Variants in ANGPT1 observed in about 807,000 individuals in gnomAD.
ANGPT1 encodes angiopoietin 1, also known as angiopoietin-1.
Under a neutral mutation model 62.2 loss-of-function variants are expected in ANGPT1, and 17 were observed. The observed-to-expected ratio is 0.27, with a 90% confidence interval of 0.19 to 0.41. ANGPT1 has a LOEUF of 0.41. Among genes scored for constraint, ANGPT1 ranks in the 10% least tolerant of loss-of-function variants. The probability of loss-of-function intolerance (pLI) is 1.00; values close to 1 mark genes in which losing one functional copy is unlikely to be tolerated. For missense variants in ANGPT1, 478 were observed against 594.9 expected (o/e 0.80, Z 2.04); for synonymous variants, 199 against 198.9 (o/e 1.00, Z 0.00).
intron 3 of ANGPT1, among the ~76,000 whole-genome samples, chr8:107,324,185 G>A (rs1434094567): frequency 4.2e-5 from 5 of 118,478 alleles, no homozygotes; most frequent in African/African-American, 1.5e-4. Flanking sequence ...ATGTGTGTGT[G>A]TGTATATATG....
chr8:107,367,544 G>T (rs2445367), intron 1 of ANGPT1, among the ~76,000 whole-genome samples: 74,740 of 151,932 alleles, frequency 0.49, 18,510 homozygotes, highest in East Asian at 0.53. Flanking sequence ...TCTAAAGCAT[G>T]CTCTCTGTCT....
At chr8:107,451,216 G>A (rs1811770709) in intron 1 of ANGPT1, among the ~76,000 whole-genome samples, 1 of 151,694 alleles carries the variant, frequency 6.6e-6, no homozygotes, top group African/African-American at 2.4e-5. Flanking sequence ...CATCAATTGA[G>A]CAGTGACTGC....
chr8:107,341,793 TCAGAATGCAAC>T (rs1815701398), intron 2 of ANGPT1, among the ~76,000 whole-genome samples: 1 of 151,776 alleles, frequency 6.6e-6, no homozygotes, highest in South Asian at 2.1e-4. Flanking sequence ...CTCAGTAGAG[TCAGAATGCAAC>T]CCAGAGAGTC....
At chr8:107,282,805 T>C (rs1350538558) in intron 7 of ANGPT1, among the ~76,000 whole-genome samples, 1 of 151,598 alleles carries the variant, frequency 6.6e-6, no homozygotes, top group Admixed American at 6.6e-5. Context: ...CACACAGATG[T>C]CAAAGAAATG....
In ANGPT1 at chr8:107,458,009, G is replaced by GA. The variant is rs1395024581; in HGVS notation, c.297+39252dup. Among the ~76,000 whole-genome samples the GA allele has an allele frequency of 2.0e-4, 30 of 151,942 alleles. No individual in the cohort carries two copies. In the South Asian group the frequency reaches 5.8e-3, roughly 29 times the overall value. ...AAAATATTATGATCATATTGAGTGT[G>GA]AAAAAAATAAAATAAAAGGCCATCT... On this transcript the variant is annotated intron_variant, in intron 1 of 8. Coordinates refer to ENST00000517746, the MANE Select transcript of ANGPT1 (RefSeq NM_001146.5).
At position 107,339,215 on chromosome 8, in the gene ANGPT1, C is replaced by T. The variant is rs571702636; in HGVS notation, c.454-2944G>A. Among the ~76,000 whole-genome samples, 65 of 152,248 alleles carry T rather than the reference C, an allele frequency of 4.3e-4. No homozygotes were observed. The South Asian group carries it at 0.013, about 31-fold the overall frequency. On this transcript the variant is annotated intron_variant, in intron 2 of 8. Transcript: ENST00000517746. Reference sequence around the variant, plus strand: ...TCAAGTCTATTTGTCACACAGCATCCAGAGGGATCTTTTTGAACACATAAA... The same window carrying T: ...TCAAGTCTATTTGTCACACAGCATCTAGAGGGATCTTTTTGAACACATAAA...
At chr8:107,414,318 T>A (rs977668253) in intron 1 of ANGPT1, among the ~76,000 whole-genome samples, 4 of 152,142 alleles carry the variant, frequency 2.6e-5, no homozygotes, top group Non-Finnish European at 4.4e-5. Context: ...TTCAAAATAG[T>A]CAAAAGAAGA....
Position 107,264,202 on chromosome 8 carries a change from A to G in ANGPT1, c.1336+19T>C. 6.2e-7 allele frequency: 1 copy of G among 1,606,758 alleles called. No individual in the cohort carries two copies. The highest frequency in any genetic ancestry group is 8.5e-7 in the Non-Finnish European group (1 of 1,176,896). On this transcript the variant is annotated intron_variant, in intron 8 of 8. Transcript: ENST00000517746. ...AAACCAATGAAACATAGCTTAGAGA[A>G]TGGCCCCATAGGACTTACCTCCTGT...
chr8:107,346,676 T>G (rs896327224), intron 2 of ANGPT1, among the ~76,000 whole-genome samples: 1 of 152,174 alleles, frequency 6.6e-6, no homozygotes, highest in Non-Finnish European at 1.5e-5. Context: ...AGTTGGTAGC[T>G]GCAGTGCTTA....
At chr8:107,281,398 G>C (rs1304296528) in intron 7 of ANGPT1, among the ~76,000 whole-genome samples, 1 of 152,108 alleles carries the variant, frequency 6.6e-6, no homozygotes, top group Non-Finnish European at 1.5e-5. Flanking sequence ...CAAAAACCTA[G>C]TATGAATTTC....
At chr8:107,483,498 T>C (rs1367607391) in intron 1 of ANGPT1, among the ~76,000 whole-genome samples, 1 of 152,106 alleles carries the variant, frequency 6.6e-6, no homozygotes, top group East Asian at 1.9e-4. Context: ...TGTTTATTAA[T>C]TTTCTTTTCT....
At chr8:107,361,921 T>C (rs1219974252) in intron 1 of ANGPT1, among the ~76,000 whole-genome samples, 1 of 152,008 alleles carries the variant, frequency 6.6e-6, no homozygotes, top group East Asian at 1.9e-4. Flanking sequence ...TAGCCAGGTG[T>C]GGTGGCAGAC....
intron 1 of ANGPT1, among the ~76,000 whole-genome samples, chr8:107,377,897 C>A (rs1172987961): frequency 1.4e-5 from 2 of 146,100 alleles, no homozygotes; most frequent in Admixed American, 7.3e-5. Context: ...AAATTTACCA[C>A]CCAAAATAAA....
At chr8:107,284,592 A>T in intron 7 of ANGPT1, 90 bp downstream of exon 7, 2 of 1,163,830 alleles carry the variant, frequency 1.7e-6, no homozygotes, top group Non-Finnish European at 2.3e-6. Flanking sequence ...TTGAAGGATG[A>T]TTTTCATTTC....
chr8:107,455,353 A>G (rs1005570842), intron 1 of ANGPT1, among the ~76,000 whole-genome samples: 5 of 152,112 alleles, frequency 3.3e-5, no homozygotes, highest in African/African-American at 1.2e-4. Context: ...GTTGTCTTAC[A>G]TATTAAACTA....
intron 1 of ANGPT1, among the ~76,000 whole-genome samples, chr8:107,482,829 C>T (rs10505108): frequency 0.032 from 4,865 of 152,148 alleles, 107 homozygotes; most frequent in Non-Finnish European, 0.048. Context: ...CTTAAAGATT[C>T]CAGAACACCT....
chr8:107,461,545 A>G (rs183332724), intron 1 of ANGPT1, among the ~76,000 whole-genome samples: 1 of 152,040 alleles, frequency 6.6e-6, no homozygotes, highest in East Asian at 1.9e-4. Flanking sequence ...TAAAATAATA[A>G]TGACACAACC....
At chr8:107,406,375 T>C (rs1817148149) in intron 1 of ANGPT1, among the ~76,000 whole-genome samples, 1 of 151,986 alleles carries the variant, frequency 6.6e-6, no homozygotes, top group South Asian at 2.1e-4. Flanking sequence ...CAAAAATGCA[T>C]GACAATAGGC....
intron 7 of ANGPT1, among the ~76,000 whole-genome samples, chr8:107,266,015 T>A (rs1279565785): frequency 3.9e-5 from 6 of 152,318 alleles, no homozygotes; most frequent in African/African-American, 1.4e-4. Context: ...GTTTCAATAA[T>A]TAATGGAACT....
Sources: gnomAD v4.1 joint callset for allele counts (sites outside exome capture counted in the v4.1 genomes callset) on GRCh38, gnomAD v4.1.1 for gene constraint, MANE v1.5 for transcripts, NCBI Gene and HGNC (gene_info 2026-07-23, HGNC 2026-07-21) for gene names.